CHRNA7: variants seen among roughly 807,000 people sequenced by gnomAD.
CHRNA7 encodes cholinergic receptor nicotinic alpha 7 subunit, also known as neuronal acetylcholine receptor subunit alpha-7.
In CHRNA7, 17 loss-of-function variants were observed where a neutral mutation model predicts 48.0. That is an observed-to-expected ratio of 0.35 (90% CI 0.24 to 0.53). The LOEUF (loss-of-function observed/expected upper bound fraction) is 0.53, where lower values mean the gene tolerates loss of function less well. Among genes scored for constraint, CHRNA7 ranks in the 20% least tolerant of loss-of-function variants. The pLI, the probability that CHRNA7 is intolerant of heterozygous loss-of-function variation, is 0.92. For synonymous variants in CHRNA7, 75 were observed against 242.3 expected, an observed-to-expected ratio of 0.31 and a Z score of 6.41; for missense variants, 155 against 577.7, an observed-to-expected ratio of 0.27 and a Z score of 7.50.
chr15:32,105,154 GC>G (rs2050642145), intron 3 of CHRNA7, among the ~76,000 whole-genome samples: 2 of 152,202 alleles, frequency 1.3e-5, no homozygotes, highest in South Asian at 4.1e-4. Flanking sequence ...ATTTGCAGAA[GC>G]ATCTGCAGCT....
Position 32,149,536 on chromosome 15 carries a change from A to G in CHRNA7, c.351-4371A>G, listed in dbSNP as rs1290408641. Reference sequence around the variant, plus strand: ...TATCTCCACCCCTAATGCTCAAAACAGATAAAGTAGTATTAGCACAAATCC... The same window carrying G: ...TATCTCCACCCCTAATGCTCAAAACGGATAAAGTAGTATTAGCACAAATCC... On this transcript the variant is annotated intron_variant, in intron 4 of 9. Transcript: ENST00000306901. The surrounding 1 kb of genome is among the most constrained non-coding windows in gnomAD (Gnocchi z 4.6). Among the ~76,000 whole-genome samples the G allele has an allele frequency of 1.3e-5, 2 of 152,256 alleles. No homozygotes were observed. The highest frequency in any genetic ancestry group is 1.5e-5 in the Non-Finnish European group (1 of 68,032).
At chr15:32,063,520 T>C (rs1158500517) in intron 2 of CHRNA7, among the ~76,000 whole-genome samples, 3 of 152,230 alleles carry the variant, frequency 2.0e-5, no homozygotes, top group African/African-American at 4.8e-5. Flanking sequence ...TCTTCATACA[T>C]TGATGTGTTC....
intron 4 of CHRNA7, among the ~76,000 whole-genome samples, chr15:32,129,849 A>G (rs2051126469): frequency 1.3e-5 from 2 of 151,956 alleles, no homozygotes; most frequent in South Asian, 4.1e-4. Context: ...AATAAGCAGT[A>G]CTATAAATTT....
chr15:32,142,165 C>G (rs1205921691), intron 4 of CHRNA7, among the ~76,000 whole-genome samples: 1 of 152,156 alleles, frequency 6.6e-6, no homozygotes, highest in Non-Finnish European at 1.5e-5. Flanking sequence ...TTTTCTGCAT[C>G]TATTGAGATA....
intron 4 of CHRNA7, among the ~76,000 whole-genome samples, chr15:32,113,285 C>T (rs1436627275): frequency 6.6e-6 from 1 of 152,182 alleles, no homozygotes; most frequent in East Asian, 1.9e-4. Context: ...GTCTCCTCTT[C>T]CTGTAAGCAC....
At chr15:32,153,281 G>A (rs1318441153) in intron 4 of CHRNA7, 4 of 151,472 alleles carry the variant, frequency 2.6e-5, no homozygotes, top group Admixed American at 1.3e-4. Flanking sequence ...AATTAACCAG[G>A]TGTGGTGGTG....
intron 3 of CHRNA7, among the ~76,000 whole-genome samples, chr15:32,110,875 C>T (rs1294635007): frequency 1.3e-5 from 2 of 152,138 alleles, no homozygotes; most frequent in African/African-American, 4.8e-5. Flanking sequence ...CATCACATAC[C>T]TTTCTGGATC....
At chr15:32,087,002 AAGGAAGTCACTATGCACAGCCC>A (rs1375235716) in intron 2 of CHRNA7, among the ~76,000 whole-genome samples, 7 of 152,084 alleles carry the variant, frequency 4.6e-5, no homozygotes, top group Non-Finnish European at 5.9e-5. Flanking sequence ...TACTCTTTGG[AAGGAAGTCACTATGCACAGCCC>A]AGGAAGTCAC....
chr15:32,153,048 C>T (rs1405938903), intron 4 of CHRNA7, among the ~76,000 whole-genome samples: 1 of 152,152 alleles, frequency 6.6e-6, no homozygotes, highest in Non-Finnish European at 1.5e-5. Flanking sequence ...TCCTTCTTTT[C>T]ATCGCTAACT....
intron 2 of CHRNA7, among the ~76,000 whole-genome samples, chr15:32,084,471 G>T (rs551504453): frequency 1.3e-5 from 2 of 152,214 alleles, no homozygotes; most frequent in Admixed American, 1.3e-4. Flanking sequence ...CTCAGAACAT[G>T]CACTTTGGGC....
intron 4 of CHRNA7, among the ~76,000 whole-genome samples, chr15:32,143,114 T>C (rs2051415910): frequency 6.6e-6 from 1 of 152,166 alleles, no homozygotes; most frequent in South Asian, 2.1e-4. Context: ...TTCTGGTACG[T>C]TGTGTGTCTT....
intron 4 of CHRNA7, among the ~76,000 whole-genome samples, chr15:32,125,967 C>G (rs151032696): frequency 6.6e-6 from 1 of 151,770 alleles, no homozygotes; most frequent in East Asian, 1.9e-4. Context: ...CAGAGAAAAC[C>G]AACTGAATGA....
In CHRNA7 at chr15:32,125,278, A is replaced by G. The variant is rs143170301; in HGVS notation, c.350+13379A>G. Among the ~76,000 whole-genome samples the G allele has an allele frequency of 1.0e-3, 159 of 152,376 alleles. No individual in the cohort carries two copies. The East Asian group carries it at 0.012, about 12-fold the overall frequency. ...CTCATTTACACTCATGATGATAACC[A>G]TAAAATACCAAAGAATCAACCTGGT... On this transcript the variant is annotated intron_variant, in intron 4 of 9. Coordinates refer to ENST00000306901, the MANE Select transcript of CHRNA7 (RefSeq NM_000746.6).
At chr15:32,060,037 G>C (rs2049854068) in intron 2 of CHRNA7, among the ~76,000 whole-genome samples, 1 of 149,082 alleles carries the variant, frequency 6.7e-6, no homozygotes, top group Non-Finnish European at 1.5e-5. Context: ...AGAATTGCTG[G>C]AATAATGTAA....
chr15:32,043,351 C>T (rs1263275617), intron 2 of CHRNA7, among the ~76,000 whole-genome samples: 1 of 152,108 alleles, frequency 6.6e-6, no homozygotes, highest in African/African-American at 2.4e-5. Context: ...AGTTATCCTT[C>T]ATGTGGTTAC....
chr15:32,067,896 G>A (rs2049991191), intron 2 of CHRNA7, among the ~76,000 whole-genome samples: 1 of 152,092 alleles, frequency 6.6e-6, no homozygotes, highest in African/African-American at 2.4e-5. Flanking sequence ...AGTAAGTGAA[G>A]TGACAAGGAA....
intron 2 of CHRNA7, chr15:32,098,929 G>A (rs1015698448): frequency 7.5e-6 from 1 of 133,306 alleles, no homozygotes; most frequent in Non-Finnish European, 1.5e-5. Context: ...TAGGAGCTCA[G>A]GAGCAATATT....
intron 2 of CHRNA7, among the ~76,000 whole-genome samples, chr15:32,073,607 C>T (rs1221344213): frequency 2.0e-5 from 3 of 152,126 alleles, no homozygotes; most frequent in Non-Finnish European, 2.9e-5. Flanking sequence ...GAAATGTGAT[C>T]CTCAATATTG....
chr15:32,056,154 A>G (rs1316687096), intron 2 of CHRNA7, among the ~76,000 whole-genome samples: 1 of 152,114 alleles, frequency 6.6e-6, no homozygotes, highest in African/African-American at 2.4e-5. Flanking sequence ...GAAATTCTTA[A>G]TTTTAGTGTG....
Sources: gnomAD v4.1 joint callset for allele counts (sites outside exome capture counted in the v4.1 genomes callset) on GRCh38, gnomAD v4.1.1 for gene constraint, Gnocchi (gnomAD v3.1) non-coding constraint, MANE v1.5 for transcripts, NCBI Gene and HGNC (gene_info 2026-07-23, HGNC 2026-07-21) for gene names.